The following SYT4 variants were observed in gnomAD, a reference collection of about 807,000 sequenced individuals.
SYT4 encodes synaptotagmin-4.
In SYT4, 7 loss-of-function variants were observed where a neutral mutation model predicts 32.9. The ratio of observed to expected loss-of-function variants is 0.21; its 90% CI spans 0.12 to 0.40. The LOEUF (loss-of-function observed/expected upper bound fraction) is 0.40, where lower values mean the gene tolerates loss of function less well. Ranked by LOEUF, SYT4 falls within the 10% of genes least tolerant of loss-of-function variation. The probability of loss-of-function intolerance (pLI) is 1.00; values close to 1 mark genes in which losing one functional copy is unlikely to be tolerated. For missense variants in SYT4, 480 were observed against 488.0 expected (o/e 0.98, Z 0.16); for synonymous variants, 205 against 186.2 (o/e 1.10, Z -0.82).
intron 2 of SYT4, among the ~76,000 whole-genome samples, chr18:43,273,128 C>A (rs1908681377): frequency 6.6e-6 from 1 of 152,088 alleles, no homozygotes; most frequent in Non-Finnish European, 1.5e-5. Flanking sequence ...CCTTGAAAGG[C>A]AATTCCATGG....
At position 43,271,840 on chromosome 18, in the gene SYT4, A is replaced by T; in HGVS notation, c.850-8T>A. ...ACCCCGTCCTGAAGACTTCTGCAGA[A>T]AGAGAAATGTGATATAAGTATTTCT... On this transcript the variant is annotated splice_polypyrimidine_tract_variant and splice_region_variant and intron_variant, in intron 2 of 3. Transcript: ENST00000255224. The T allele has an allele frequency of 6.2e-7, 1 of 1,609,756 alleles. No individual in the cohort carries two copies.
chr18:43,276,280 T>A (rs1307218464), intron 1 of SYT4, among the ~76,000 whole-genome samples: 2 of 152,194 alleles, frequency 1.3e-5, no homozygotes, highest in Non-Finnish European at 1.5e-5. Context: ...CCCTATGTAT[T>A]CTCTACTGAT....
chr18:43,271,686 T>A (rs1219616494), intron 3 of SYT4, 26 bp downstream of exon 3: 2 of 1,610,986 alleles, frequency 1.2e-6, no homozygotes, highest in Admixed American at 1.7e-5. Context: ...ATACAGTGAA[T>A]CTGAATATTT....
In SYT4 at chr18:43,271,770, T is replaced by A; in HGVS notation, c.912A>T (p.Leu304=). The A allele has an allele frequency of 1.2e-6, 2 of 1,613,188 alleles. No individual in the cohort carries two copies. Among genetic ancestry groups the A allele is most frequent in the Non-Finnish European group, 1.7e-6 (2 of 1,179,304 alleles). ...GTCGAGCTTTTAAGACAACCACAGT[T>A]AGAGTGTTTGTGGTGGACTGATAGC... The part of the protein sequence containing the change: ...SLCYQSTTNT[L]TVVVLKARHL... The change falls in exon 3 of 4, where the codon CTA becomes CTT. Residue 304 remains leucine (L), a synonymous_variant. Coordinates refer to ENST00000255224, the MANE Select transcript of SYT4 (RefSeq NM_020783.4).
chr18:43,277,166 C>A, intron 1 of SYT4, 82 bp downstream of exon 1: 3 of 1,559,510 alleles, frequency 1.9e-6, no homozygotes, highest in Admixed American at 1.8e-5. Flanking sequence ...ATTCAACAAC[C>A]GGGCAAAAAA....
In SYT4 at chr18:43,270,412, C is replaced by G; in HGVS notation, c.1207G>C (p.Glu403Gln). Residue 403 changes from glutamate (E) to glutamine (Q), a missense_variant, in exon 4 of 4, where the codon GAG becomes CAG. Coordinates refer to ENST00000255224, the MANE Select transcript of SYT4 (RefSeq NM_020783.4). The stretch of plus-strand genomic sequence containing the variant: ...TAGTCACAGATCTCTTTCCAGTGCT[C>G]TCCACCAGTTCCTTCTGCTGCTGCA... ...LGAAAEGTGG[E>Q]HWKEICDYPR... is the part of the protein sequence containing the mutation. The G allele has an allele frequency of 6.2e-7, 1 of 1,614,148 alleles. No individual in the cohort carries two copies. Among genetic ancestry groups the G allele is most frequent in the African/African-American group, 1.3e-5 (1 of 75,056 alleles).
chr18:43,272,010 A>G (rs1300390019), intron 2 of SYT4, 178 bp from the exon 3 acceptor site: 4 of 536,912 alleles, frequency 7.5e-6, no homozygotes, highest in Non-Finnish European at 8.6e-6. Flanking sequence ...CTGCTTGAAA[A>G]ACCACTGCCT....
intron 1 of SYT4, 63 bp from the exon 2 acceptor site, chr18:43,274,457 G>C (rs534110979): frequency 1.5e-6 from 2 of 1,355,408 alleles, no homozygotes; most frequent in South Asian, 2.9e-5. Flanking sequence ...TGAGCCTTTT[G>C]AAAAGCCTAA....
chr18:43,276,494 G>A (rs1198936073), intron 1 of SYT4, among the ~76,000 whole-genome samples: 1 of 152,082 alleles, frequency 6.6e-6, no homozygotes, highest in Admixed American at 6.6e-5. Context: ...TATGAAGTAC[G>A]TCTAATTTTA....
intron 1 of SYT4, among the ~76,000 whole-genome samples, chr18:43,274,942 G>A (rs1445443547): frequency 6.6e-6 from 1 of 152,054 alleles, no homozygotes; most frequent in Non-Finnish European, 1.5e-5. Flanking sequence ...CCCAATTATG[G>A]AACAGTGGTA....
Position 43,270,577 on chromosome 18 carries a change from A to G in SYT4, c.1042T>C (p.Cys348Arg). ...ISKKKTHVKKCTPNAVFNELF... is the reference protein window; with the variant it reads ...ISKKKTHVKKRTPNAVFNELF... The stretch of plus-strand genomic sequence containing the variant: ...TCATTGAACACTGCATTGGGGGTGC[A>G]TTTCTTCACATGAGTCTTCTTCTTG... The change falls in exon 4 of 4, where the codon TGC (cysteine) becomes CGC (arginine). Residue 348 changes from cysteine (C) to arginine (R), a missense_variant. Transcript: ENST00000255224. 3 of 1,614,018 alleles carry G rather than the reference A, an allele frequency of 1.9e-6. No homozygotes were observed. Among genetic ancestry groups the G allele is most frequent in the Non-Finnish European group, 2.5e-6 (3 of 1,179,970 alleles).
At chr18:43,271,289 C>T (rs943694420) in intron 3 of SYT4, among the ~76,000 whole-genome samples, 1 of 152,016 alleles carries the variant, frequency 6.6e-6, no homozygotes, top group Non-Finnish European at 1.5e-5. Context: ...GCTTCACAAT[C>T]TAATCTTTTA....
intron 3 of SYT4, 43 bp downstream of exon 3, chr18:43,271,669 T>G (rs375455700): frequency 6.2e-7 from 1 of 1,608,670 alleles, no homozygotes; most frequent in African/African-American, 1.3e-5. Context: ...TCAAATACAT[T>G]CCAATCATAC....
chr18:43,272,982 G>A (rs1203171822), intron 2 of SYT4, among the ~76,000 whole-genome samples: 2 of 152,094 alleles, frequency 1.3e-5, no homozygotes, highest in African/African-American at 4.8e-5. Context: ...GGTTAAATTT[G>A]TTTCATTGAT....
intron 3 of SYT4, 115 bp from the exon 4 acceptor site, chr18:43,270,763 A>C: frequency 8.9e-7 from 1 of 1,119,850 alleles, no homozygotes; most frequent in East Asian, 2.4e-5. Flanking sequence ...TACCAGGAAA[A>C]TAAGTCAAAA....
chr18:43,275,895 A>AAAGACTTTGTG (rs1908777179), intron 1 of SYT4, among the ~76,000 whole-genome samples: 1 of 152,166 alleles, frequency 6.6e-6, no homozygotes, highest in Non-Finnish European at 1.5e-5. Context: ...TCTTTGTGAA[A>AAAGACTTTGTG]AAAAAATGCA....
rs776597996 is a variant in SYT4, at chr18:43,274,264, A to G, written c.165T>C (p.His55=). 2.5e-6 allele frequency: 4 copies of G among 1,613,996 alleles called. No individual in the cohort carries two copies. The highest frequency in any genetic ancestry group is 3.4e-6 in the Non-Finnish European group (4 of 1,179,928). ...GGTAAATATCAACTCCCTTAAGCAC[A>G]TGCACAAACTTGTATGGAGGAGTCT... The part of the protein sequence containing the change: ...SNKTPPYKFV[H]VLKGVDIYPE... Residue 55 remains histidine, a synonymous_variant, in exon 2 of 4, where the codon CAT becomes CAC. Transcript: ENST00000255224.
chr18:43,274,077 G>C lies in SYT4; in HGVS notation c.352C>G (p.Leu118Val). The change falls in exon 2 of 4, where the codon CTG (leucine) becomes GTG (valine). Residue 118 changes from leucine (L) to valine (V), a missense_variant. By Grantham distance (32) the Leu-to-Val change is conservative. Coordinates refer to ENST00000255224, the MANE Select transcript of SYT4 (RefSeq NM_020783.4). ...AAGAGCTTCGGGGTTGCATTCTCCAGATCAGAAGGACTGCCAGGTTTGAGG... is the reference window on the plus strand; with the variant it reads ...AAGAGCTTCGGGGTTGCATTCTCCACATCAGAAGGACTGCCAGGTTTGAGG... ...TNLKPGSPSDLENATPKLFLE... is the reference protein window; with the variant it reads ...TNLKPGSPSDVENATPKLFLE... 1 of 1,614,044 alleles carries C rather than the reference G, an allele frequency of 6.2e-7. No individual in the cohort carries two copies. Among genetic ancestry groups the C allele is most frequent in the Non-Finnish European group, 8.5e-7 (1 of 1,179,950 alleles).
At position 43,269,669 on chromosome 18, in the gene SYT4, A is replaced by T. The variant is rs1908565029; in HGVS notation, c.*672T>A. On this transcript the variant is annotated 3_prime_UTR_variant, in exon 4 of 4. Coordinates refer to ENST00000255224, the MANE Select transcript of SYT4 (RefSeq NM_020783.4). ...AAAATTTTGACTCACATGTAACCTT[A>T]GGGGGGAGAAAAATTATATTTCAGC... is the stretch of plus-strand genomic sequence containing the variant. The T allele has an allele frequency of 6.5e-6, 1 of 152,738 alleles. No homozygotes were observed. The highest frequency in any genetic ancestry group is 6.5e-5 in the Admixed American group (1 of 15,272). 9.5% of individuals were successfully genotyped at this position (152,738 alleles called of 1,614,324 possible).
Sources: gnomAD v4.1 joint callset for allele counts (sites outside exome capture counted in the v4.1 genomes callset) on GRCh38, gnomAD v4.1.1 for gene constraint, MANE v1.5 for transcripts, NCBI Gene and HGNC (gene_info 2026-07-23, HGNC 2026-07-21) for gene names.